VPS13B: variants seen among roughly 807,000 people sequenced by gnomAD.
VPS13B encodes the protein intermembrane lipid transfer protein VPS13B.
VPS13B carries 285 observed loss-of-function variants against 426.4 expected under a neutral mutation model. The ratio of observed to expected loss-of-function variants is 0.67; its 90% CI spans 0.61 to 0.74. VPS13B has a LOEUF of 0.74. Ranked by LOEUF, VPS13B falls within the 30% of genes least tolerant of loss-of-function variation. The pLI is 0.00. For synonymous variants in VPS13B, 1,676 were observed against 1,676.4 expected, an observed-to-expected ratio of 1.00 and a Z score of 0.01; for missense variants, 4,537 against 4,782.6, an observed-to-expected ratio of 0.95 and a Z score of 1.51.
At position 99,134,699 on chromosome 8, in the gene VPS13B, G is replaced by T. The variant is rs779106396; in HGVS notation, c.1274G>T (p.Cys425Phe). Residue 425 changes from cysteine to phenylalanine, a missense_variant, in exon 9 of 62, where the codon TGT (cysteine) becomes TTT (phenylalanine). By Grantham distance (205) the Cys-to-Phe change is radical. Transcript: ENST00000357162. ...AAAGTAAAATCTAAAGAAGTATTGTGTTGGGAACAAGAAGGAACTACAGTT... is the reference window on the plus strand; with the variant it reads ...AAAGTAAAATCTAAAGAAGTATTGTTTTGGGAACAAGAAGGAACTACAGTT... ...PQKVKSKEVL[C>F]WEQEGTTVEA... The T allele has an allele frequency of 6.8e-6, 11 of 1,610,106 alleles. No homozygotes were observed. In the East Asian group the frequency reaches 2.5e-4, roughly 36 times the overall value.
At chr8:99,115,556 A>G in intron 6 of VPS13B, 144 bp from the exon 7 acceptor site, 1 of 816,596 alleles carries the variant, frequency 1.2e-6, no homozygotes, top group Non-Finnish European at 1.9e-6. Flanking sequence ...ATCTTAGAGT[A>G]AGTATTGTTT....
Position 99,337,215 on chromosome 8 carries a change from G to C in VPS13B, c.2825-46993G>C, listed in dbSNP as rs1317608350. Among the ~76,000 whole-genome samples the C allele has an allele frequency of 2.0e-5, 3 of 152,176 alleles. No homozygotes were observed. The East Asian group carries it at 5.8e-4, about 29-fold the overall frequency. On this transcript the variant is annotated intron_variant, in intron 19 of 61. Transcript: ENST00000357162. The stretch of plus-strand genomic sequence containing the variant: ...ATGATGATTTCATGTCCTTTGTAGG[G>C]ACATGGATGAAATTGGAAATCATCA...
At chr8:99,254,822 T>C (rs1817667562) in intron 17 of VPS13B, among the ~76,000 whole-genome samples, 1 of 151,974 alleles carries the variant, frequency 6.6e-6, no homozygotes, top group Non-Finnish European at 1.5e-5. Context: ...TTTGTATTGT[T>C]ATTAGAGACG....
intron 61 of VPS13B, among the ~76,000 whole-genome samples, chr8:99,871,931 C>T (rs534894548): frequency 2.0e-5 from 3 of 152,332 alleles, no homozygotes; most frequent in South Asian, 4.1e-4. Flanking sequence ...ACCCAGCAGG[C>T]GGCCAGCAGG....
intron 20 of VPS13B, among the ~76,000 whole-genome samples, chr8:99,386,578 T>C (rs1351511691): frequency 6.6e-6 from 1 of 152,170 alleles, no homozygotes. Context: ...ATAGTAAAAA[T>C]ATGCCATTAT....
intron 17 of VPS13B, among the ~76,000 whole-genome samples, chr8:99,216,732 C>T (rs1358349107): frequency 6.6e-6 from 1 of 151,022 alleles, no homozygotes; most frequent in African/African-American, 2.4e-5. Flanking sequence ...GGTTCAAATA[C>T]TTTTAAAAAA....
chr8:99,149,171 A>G (rs926331358), intron 14 of VPS13B, among the ~76,000 whole-genome samples: 3 of 152,228 alleles, frequency 2.0e-5, no homozygotes, highest in Non-Finnish European at 2.9e-5. Flanking sequence ...TTAAATTTTC[A>G]TTGAAATAAT....
chr8:99,200,965 T>C (rs1351994252), intron 17 of VPS13B, among the ~76,000 whole-genome samples: 2 of 152,142 alleles, frequency 1.3e-5, no homozygotes, highest in Admixed American at 6.5e-5. Flanking sequence ...TATTGATTCT[T>C]GGTCATCATC....
intron 3 of VPS13B, among the ~76,000 whole-genome samples, chr8:99,088,429 A>G (rs1298392578): frequency 2.0e-5 from 3 of 152,190 alleles, no homozygotes; most frequent in Non-Finnish European, 4.4e-5. Context: ...TGAGAAGATA[A>G]TAGTGTCATT....
chr8:99,463,420 T>A (rs1588406787), intron 23 of VPS13B, among the ~76,000 whole-genome samples: 1 of 152,216 alleles, frequency 6.6e-6, no homozygotes. Flanking sequence ...CAATTATCTC[T>A]TAATACTATT....
At chr8:99,438,982 C>T (rs1347409200) in intron 22 of VPS13B, among the ~76,000 whole-genome samples, 1 of 152,096 alleles carries the variant, frequency 6.6e-6, no homozygotes, top group African/African-American at 2.4e-5. Flanking sequence ...TTAGGTAACA[C>T]TTACTGTGTT....
intron 23 of VPS13B, among the ~76,000 whole-genome samples, chr8:99,449,671 T>C (rs1818092005): frequency 6.6e-6 from 1 of 152,196 alleles, no homozygotes; most frequent in South Asian, 2.1e-4. Context: ...ACTAGTCTTA[T>C]GGCTTAAGAC....
At chr8:99,141,413 A>G (rs769694406) in intron 12 of VPS13B, among the ~76,000 whole-genome samples, 2 of 152,170 alleles carry the variant, frequency 1.3e-5, no homozygotes, top group Admixed American at 1.3e-4. Flanking sequence ...CCCCTAAAGG[A>G]CGCATAGCAG....
chr8:99,474,016 C>G (rs1819551887), intron 24 of VPS13B, among the ~76,000 whole-genome samples: 1 of 152,034 alleles, frequency 6.6e-6, no homozygotes, highest in Non-Finnish European at 1.5e-5. Context: ...AGAGATATAT[C>G]TCCTCATAGT....
rs1587915179 is a variant in VPS13B, at chr8:99,015,424, G to A, written c.147+1489G>A. ...GTAGAGATGGGGTTTCACCGTGTTAGCCAGGATGGTCTCGATCTCCTGACC... is the reference window on the plus strand; with the variant it reads ...GTAGAGATGGGGTTTCACCGTGTTAACCAGGATGGTCTCGATCTCCTGACC... On this transcript the variant is annotated intron_variant, in intron 2 of 61. Transcript: ENST00000357162. 5.3e-5 allele frequency among the ~76,000 whole-genome samples: 8 copies of A among 150,922 alleles called. No individual in the cohort carries two copies. In the South Asian group the frequency reaches 1.7e-3, roughly 32 times the overall value.
chr8:99,574,243 CA>C, intron 31 of VPS13B, among the ~76,000 whole-genome samples: 1 of 152,296 alleles, frequency 6.6e-6, no homozygotes, highest in South Asian at 2.1e-4. Flanking sequence ...ATGTCGTCTG[CA>C]AACGGGGACA....
chr8:99,130,103 A>G (rs1454684430), intron 8 of VPS13B, among the ~76,000 whole-genome samples: 1 of 152,252 alleles, frequency 6.6e-6, no homozygotes, highest in Admixed American at 6.5e-5. Context: ...AGTATTTGTC[A>G]ATAGTTAATA....
At chr8:99,082,134 A>G (rs1282298240) in intron 3 of VPS13B, among the ~76,000 whole-genome samples, 2 of 152,122 alleles carry the variant, frequency 1.3e-5, no homozygotes, top group African/African-American at 2.4e-5. Context: ...TTGTTTCCTG[A>G]CTTTTTAATG....
In VPS13B at chr8:99,577,603, T is replaced by C. The variant is rs1454613781; in HGVS notation, c.5190T>C (p.Thr1730=). 6.2e-7 allele frequency: 1 copy of C among 1,613,828 alleles called. No homozygotes were observed. ...LLHQLIVANM[T]GLEPSNKAAE... ...ATCAGTTAATAGTAGCAAATATGAC[T>C]GGACTGGAACCATCAAACAAGGCTG... Residue 1730 remains threonine (T), a synonymous_variant, in exon 33 of 62, where the codon ACT becomes ACC. Coordinates refer to ENST00000357162, the MANE Select transcript of VPS13B (RefSeq NM_152564.5).
Sources: allele counts gnomAD v4.1 joint callset (sites outside exome capture counted in the v4.1 genomes callset), GRCh38; gene constraint gnomAD v4.1.1; transcripts MANE v1.5; gene names NCBI Gene and HGNC (gene_info 2026-07-23, HGNC 2026-07-21).